STIM2: variants seen among roughly 807,000 people sequenced by gnomAD.
STIM2 encodes stromal interaction molecule 2.
STIM2 carries 31 observed loss-of-function variants against 85.8 expected under a neutral mutation model. That is an observed-to-expected ratio of 0.36 (90% confidence interval 0.27 to 0.49). STIM2 has a LOEUF of 0.49. STIM2 is among the 20% of genes least tolerant of loss of function. The pLI, the probability that STIM2 is intolerant of heterozygous loss-of-function variation, is 0.98. For missense variants in STIM2, 841 were observed against 927.6 expected (o/e 0.91, Z 1.21); for synonymous variants, 356 against 331.1 (o/e 1.08, Z -0.82).
rs768174072 is a variant in STIM2 at position 26,999,310 on chromosome 4, C to G, written c.588C>G (p.Leu196=). 6.2e-6 allele frequency: 10 copies of G among 1,609,450 alleles called. No homozygotes were observed. The East Asian group carries it at 1.1e-4, about 18-fold the overall frequency. Residue 196 remains leucine (L), a synonymous_variant, in exon 5 of 12, where the codon CTC becomes CTG. Transcript: ENST00000467087. ...GGAGTCACAGACAAAAACTTCAGCT[C>G]AAGGCATTGGATGTGGTTTTGTTTG...
At chr4:26,976,854 T>C (rs543226491) in intron 3 of STIM2, among the ~76,000 whole-genome samples, 4 of 152,196 alleles carry the variant, frequency 2.6e-5, no homozygotes, top group Non-Finnish European at 4.4e-5. Context: ...GGCATTATTC[T>C]AGGCTTTGGG....
chr4:26,944,504 A>C (rs1318785265), intron 2 of STIM2, among the ~76,000 whole-genome samples: 1 of 152,134 alleles, frequency 6.6e-6, no homozygotes, highest in Non-Finnish European at 1.5e-5. Context: ...ATACTCAGTA[A>C]ATATTTTTGT....
At chr4:27,019,667 G>T in intron 11 of STIM2, 3 of 372,530 alleles carry the variant, frequency 8.1e-6, no homozygotes, top group African/African-American at 2.2e-5. Context: ...AAATAATAAT[G>T]TTGAATATTT....
At chr4:27,001,800 T>C (rs143283236) in intron 5 of STIM2, among the ~76,000 whole-genome samples, 18 of 152,256 alleles carry the variant, frequency 1.2e-4, no homozygotes, top group African/African-American at 4.3e-4. Context: ...GGTTTATAAG[T>C]GTGAGAGAAA....
intron 2 of STIM2, among the ~76,000 whole-genome samples, chr4:26,923,254 G>A (rs1263345529): frequency 6.6e-6 from 1 of 151,306 alleles, no homozygotes; most frequent in Non-Finnish European, 1.5e-5. Flanking sequence ...ACCAAAAGTA[G>A]ATAAAACCAC....
At chr4:26,998,345 A>G (rs1431035661) in intron 4 of STIM2, among the ~76,000 whole-genome samples, 1 of 152,154 alleles carries the variant, frequency 6.6e-6, no homozygotes, top group Admixed American at 6.5e-5. Context: ...ACTTATTATT[A>G]TATAAATTCC....
intron 2 of STIM2, among the ~76,000 whole-genome samples, chr4:26,928,920 TCTTA>T (rs1225260306): frequency 2.6e-5 from 4 of 152,200 alleles, no homozygotes; most frequent in Non-Finnish European, 5.9e-5. Context: ...TCTGTATTTC[TCTTA>T]CTATTTAAAT....
Position 27,023,160 on chromosome 4 carries a change from G to A in STIM2, c.*164G>A. ...ACATCCAGAAGGGCAACTGTCTACTGTCTGCTTATTTAAGTGACTATATAT... is the reference window on the plus strand; with the variant it reads ...ACATCCAGAAGGGCAACTGTCTACTATCTGCTTATTTAAGTGACTATATAT... On this transcript the variant is annotated 3_prime_UTR_variant, in exon 12 of 12. Coordinates refer to ENST00000467087, the MANE Select transcript of STIM2 (RefSeq NM_020860.4). The A allele has an allele frequency of 3.0e-6, 2 of 667,596 alleles. No homozygotes were observed. The highest frequency in any genetic ancestry group is 5.1e-5 in the East Asian group (2 of 39,174). 41.4% of individuals were successfully genotyped at this position (667,596 alleles called of 1,614,324 possible).
At chr4:26,908,459 G>A (rs1428723685) in intron 1 of STIM2, among the ~76,000 whole-genome samples, 4 of 152,056 alleles carry the variant, frequency 2.6e-5, no homozygotes, top group Non-Finnish European at 5.9e-5. Context: ...AGATAATCAA[G>A]TAAAGCACCC....
intron 11 of STIM2, among the ~76,000 whole-genome samples, chr4:27,021,864 A>G (rs188196956): frequency 3.9e-5 from 6 of 152,276 alleles, no homozygotes; most frequent in Admixed American, 3.3e-4. Flanking sequence ...GGGGTTACAA[A>G]ATTTATTTTT....
intron 3 of STIM2, among the ~76,000 whole-genome samples, chr4:26,961,970 C>G (rs889673065): frequency 1.3e-5 from 2 of 152,166 alleles, no homozygotes; most frequent in Admixed American, 6.5e-5. Flanking sequence ...AGTCTTGTCT[C>G]CAGCTCCTGG....
chr4:26,990,750 CAAAT>C (rs754847706), intron 3 of STIM2, among the ~76,000 whole-genome samples: 5 of 151,970 alleles, frequency 3.3e-5, no homozygotes, highest in Non-Finnish European at 7.4e-5. Context: ...AGCAGAAAAA[CAAAT>C]AATCTGAGTA....
At chr4:26,917,214 G>GA (rs1275154138) in intron 1 of STIM2, among the ~76,000 whole-genome samples, 1 of 152,086 alleles carries the variant, frequency 6.6e-6, no homozygotes, top group Non-Finnish European at 1.5e-5. Flanking sequence ...AGATAAAATC[G>GA]AAAATTTCAA....
chr4:26,985,264 CTTTTA>C (rs1421705494), intron 3 of STIM2, among the ~76,000 whole-genome samples: 3 of 152,122 alleles, frequency 2.0e-5, no homozygotes, highest in Non-Finnish European at 4.4e-5. Flanking sequence ...TATTTTCTTT[CTTTTA>C]TATTAGTTTA....
At chr4:26,908,292 GGAAAGATA>G (rs1724202029) in intron 1 of STIM2, among the ~76,000 whole-genome samples, 1 of 152,146 alleles carries the variant, frequency 6.6e-6, no homozygotes, top group Non-Finnish European at 1.5e-5. Flanking sequence ...TGAGATATAG[GGAAAGATA>G]GAGTTCTTTG....
intron 3 of STIM2, among the ~76,000 whole-genome samples, chr4:26,976,111 A>G (rs969391847): frequency 6.6e-6 from 1 of 152,150 alleles, no homozygotes; most frequent in Non-Finnish European, 1.5e-5. Context: ...GGGAAAGCGC[A>G]GTATTTGGGC....
rs559885936 is a variant in STIM2, at chr4:27,009,527, G to A, written c.1489+525G>A. 6.6e-5 allele frequency among the ~76,000 whole-genome samples: 10 copies of A among 152,304 alleles called. No individual in the cohort carries two copies. In the East Asian group the frequency reaches 1.9e-3, roughly 29 times the overall value. ...CTTGGAAACAGGGATTTGAATCCTA[G>A]CTCTACCACTAACTAACTCCAGGTA... On this transcript the variant is annotated intron_variant, in intron 10 of 11. Coordinates refer to ENST00000467087, the MANE Select transcript of STIM2 (RefSeq NM_020860.4).
At chr4:27,016,978 TA>T (rs1269198831) in intron 10 of STIM2, among the ~76,000 whole-genome samples, 2 of 152,240 alleles carry the variant, frequency 1.3e-5, no homozygotes, top group African/African-American at 4.8e-5. Context: ...TCTGATGCTA[TA>T]GCATCTGAAC....
chr4:27,004,064 G>A (rs909286675), intron 7 of STIM2, among the ~76,000 whole-genome samples: 3 of 152,200 alleles, frequency 2.0e-5, no homozygotes, highest in African/African-American at 7.2e-5. Context: ...TGTTTTATGC[G>A]CTGTTGCTGC....
Sources: gnomAD v4.1 joint callset for allele counts (sites outside exome capture counted in the v4.1 genomes callset) on GRCh38, gnomAD v4.1.1 for gene constraint, MANE v1.5 for transcripts, NCBI Gene and HGNC (gene_info 2026-07-23, HGNC 2026-07-21) for gene names.